Variants in CASQ2 observed in about 807,000 individuals in gnomAD.
The protein encoded by CASQ2 is calsequestrin 2.
A neutral mutation model predicts 46.5 loss-of-function variants in CASQ2; 49 were observed. That is an observed-to-expected ratio of 1.05 (90% confidence interval 0.84 to 1.34). The LOEUF (loss-of-function observed/expected upper bound fraction) is 1.34. Among genes scored for constraint, CASQ2 ranks in the 40% most tolerant of loss-of-function variants. The probability of loss-of-function intolerance (pLI) is 0.00; values close to 1 mark genes in which losing one functional copy is unlikely to be tolerated. For synonymous variants in CASQ2, 174 were observed against 168.5 expected, an observed-to-expected ratio of 1.03 and a Z score of -0.25; for missense variants, 486 against 481.3, an observed-to-expected ratio of 1.01 and a Z score of -0.09.
At chr1:115,739,075 A>AAAG (rs1387824438) in intron 3 of CASQ2, among the ~76,000 whole-genome samples, 200 of 149,088 alleles carry the variant, frequency 1.3e-3, no homozygotes, top group Admixed American at 2.5e-3. Flanking sequence ...AAAAAAAAAA[A>AAAG]AGCTGAATAG....
At chr1:115,707,956 GATC>G (rs1210347460) in intron 8 of CASQ2, among the ~76,000 whole-genome samples, 2 of 152,202 alleles carry the variant, frequency 1.3e-5, no homozygotes, top group Non-Finnish European at 2.9e-5. Flanking sequence ...GGAGGGACAG[GATC>G]TGTGACCCAG....
intron 8 of CASQ2, among the ~76,000 whole-genome samples, chr1:115,717,001 C>G (rs996289775): frequency 6.6e-6 from 1 of 152,118 alleles, no homozygotes; most frequent in African/African-American, 2.4e-5. Context: ...TAACACCATT[C>G]CCCACTTGGT....
intron 8 of CASQ2, among the ~76,000 whole-genome samples, chr1:115,714,580 G>A (rs1654641889): frequency 6.6e-6 from 1 of 152,204 alleles, no homozygotes; most frequent in Non-Finnish European, 1.5e-5. Context: ...GAAAGGCCAT[G>A]TCTAACTTGT....
chr1:115,761,464 GA>G (rs1648945045), intron 1 of CASQ2, among the ~76,000 whole-genome samples: 2 of 5,642 alleles, frequency 3.5e-4, no homozygotes, highest in Non-Finnish European at 6.1e-4. Context: ...GAAGAAGAAG[GA>G]GAAGAAGAAG....
At chr1:115,721,185 T>C (rs925038948) in intron 7 of CASQ2, among the ~76,000 whole-genome samples, 1 of 152,102 alleles carries the variant, frequency 6.6e-6, no homozygotes, top group Non-Finnish European at 1.5e-5. Context: ...GGAGGCTTCT[T>C]TTAGAAGAAA....
intron 9 of CASQ2, among the ~76,000 whole-genome samples, chr1:115,703,911 CAA>C (rs11325357): frequency 1.8e-4 from 21 of 117,958 alleles, no homozygotes; most frequent in South Asian, 3.1e-4. Flanking sequence ...GACCCTGTCT[CAA>C]AAAAAAAAAA....
intron 1 of CASQ2, among the ~76,000 whole-genome samples, chr1:115,753,936 G>GCT: frequency 6.6e-6 from 1 of 151,854 alleles, no homozygotes; most frequent in Non-Finnish European, 1.5e-5. Flanking sequence ...ACAGATCTCT[G>GCT]CTCCAAGTGA....
At chr1:115,712,175 C>G (rs746457898) in intron 8 of CASQ2, among the ~76,000 whole-genome samples, 1 of 152,174 alleles carries the variant, frequency 6.6e-6, no homozygotes, top group Non-Finnish European at 1.5e-5. Context: ...AGGCTGGGAG[C>G]TCTCCTCTCA....
At chr1:115,701,469 G>T in intron 10 of CASQ2, 43 bp from the exon 11 acceptor site, 1 of 1,287,872 alleles carries the variant, frequency 7.8e-7, no homozygotes, top group Non-Finnish European at 1.1e-6. Flanking sequence ...AATGCATGAG[G>T]GCTGAACCAG....
intron 7 of CASQ2, among the ~76,000 whole-genome samples, chr1:115,720,104 G>C (rs911208626): frequency 3.3e-5 from 5 of 152,144 alleles, no homozygotes; most frequent in African/African-American, 1.2e-4. Flanking sequence ...GTGACAGAAG[G>C]GGGATTCAAG....
At chr1:115,709,653 G>C (rs1654480540) in intron 8 of CASQ2, among the ~76,000 whole-genome samples, 1 of 152,184 alleles carries the variant, frequency 6.6e-6, no homozygotes, top group African/African-American at 2.4e-5. Context: ...TAGATGAATA[G>C]CCCTCACTCA....
Position 115,733,051 on chromosome 1 carries a change from G to A in CASQ2, c.533-77C>T, listed in dbSNP as rs376358863. 5 of 1,053,446 alleles carry A rather than the reference G, an allele frequency of 4.7e-6. No homozygotes were observed. In the African/African-American group the frequency reaches 6.3e-5, roughly 13 times the overall value. The allele number at this position is 1,053,446 out of a possible 1,614,324, so 65.3% of individuals were successfully genotyped here. The stretch of plus-strand genomic sequence containing the variant: ...AAGAATCTTCTTTTTAAATGGTGTA[G>A]AGAGTAGAAAGCCAATTAATCCTGA... On this transcript the variant is annotated intron_variant, in intron 4 of 10. Coordinates refer to ENST00000261448, the MANE Select transcript of CASQ2 (RefSeq NM_001232.4).
At chr1:115,731,188 G>T (rs895761839) in intron 5 of CASQ2, among the ~76,000 whole-genome samples, 2 of 152,168 alleles carry the variant, frequency 1.3e-5, no homozygotes, top group African/African-American at 4.8e-5. Flanking sequence ...GCATCTCTCT[G>T]AATTTTTAAT....
chr1:115,717,900 T>C lies in CASQ2; in HGVS notation c.784-6A>G. On this transcript the variant is annotated splice_polypyrimidine_tract_variant and splice_region_variant and intron_variant, in intron 7 of 10. Coordinates refer to ENST00000261448, the MANE Select transcript of CASQ2 (RefSeq NM_001232.4). Reference sequence around the variant, plus strand: ...ATCCCATTCAAATCATCTTCCTGTATGAGAAAAGTAACAAAAGTTACACTT... The same window carrying C: ...ATCCCATTCAAATCATCTTCCTGTACGAGAAAAGTAACAAAAGTTACACTT... 1.9e-6 allele frequency: 3 copies of C among 1,603,160 alleles called. No individual in the cohort carries two copies. Among genetic ancestry groups the C allele is most frequent in the South Asian group, 2.2e-5 (2 of 90,862 alleles).
chr1:115,725,557 GAAAAAAAAAAA>G lies in CASQ2; in HGVS notation c.738-15_738-5del, dbSNP rs56889721. On this transcript the variant is annotated splice_region_variant and splice_polypyrimidine_tract_variant and intron_variant, in intron 6 of 10. Coordinates refer to ENST00000261448, the MANE Select transcript of CASQ2 (RefSeq NM_001232.4). ...GCGCAGGCGACGTAGAGTGGGTCTG[GAAAAAAAAAAA>G]AAAAAAAAAAAAGAAAGAGCTTCCT... 4 of 1,401,640 alleles carry G rather than the reference GAAAAAAAAAAA, an allele frequency of 2.9e-6. No homozygotes were observed. The highest frequency in any genetic ancestry group is 1.7e-5 in the African/African-American group (1 of 58,822). The allele number at this position is 1,401,640 out of a possible 1,614,324, so 86.8% of individuals were successfully genotyped here.
At chr1:115,752,021 G>A (rs2101110072) in intron 1 of CASQ2, among the ~76,000 whole-genome samples, 1 of 152,310 alleles carries the variant, frequency 6.6e-6, no homozygotes, top group Middle Eastern at 3.4e-3. Context: ...TAGGCCAGTT[G>A]AAGCTTCAGC....
intron 6 of CASQ2, 27 bp from the exon 7 acceptor site, chr1:115,725,580 A>G: frequency 6.4e-7 from 1 of 1,568,522 alleles, no homozygotes; most frequent in Non-Finnish European, 8.7e-7. Flanking sequence ...AAAAAAAAAA[A>G]GAAAGAGCTT....
chr1:115,723,217 A>G (rs950336988), intron 7 of CASQ2, among the ~76,000 whole-genome samples: 1 of 152,116 alleles, frequency 6.6e-6, no homozygotes, highest in African/African-American at 2.4e-5. Flanking sequence ...GTATTATATC[A>G]GTGTTAATTT....
At chr1:115,765,655 T>C (rs1649110851) in intron 1 of CASQ2, among the ~76,000 whole-genome samples, 1 of 152,124 alleles carries the variant, frequency 6.6e-6, no homozygotes, top group Admixed American at 6.5e-5. Context: ...TTTTTGTTTC[T>C]GGTGTGTGTG....
Sources: allele counts gnomAD v4.1 joint callset (sites outside exome capture counted in the v4.1 genomes callset), GRCh38; gene constraint gnomAD v4.1.1; transcripts MANE v1.5; gene names NCBI Gene and HGNC (gene_info 2026-07-23, HGNC 2026-07-21).